Variants in CNTNAP3B observed in about 807,000 individuals in gnomAD.
CNTNAP3B encodes contactin-associated protein-like 3B.
A neutral mutation model predicts 108.9 loss-of-function variants in CNTNAP3B; 25 were observed. The observed-to-expected ratio is 0.23, with a 90% CI of 0.17 to 0.32. The LOEUF is 0.32. Ranked by LOEUF, CNTNAP3B falls within the 10% of genes least tolerant of loss-of-function variation. CNTNAP3B has a pLI of 1.00. For synonymous variants in CNTNAP3B, 103 were observed against 473.4 expected, an observed-to-expected ratio of 0.22 and a Z score of 10.16; for missense variants, 252 against 1,210.4, an observed-to-expected ratio of 0.21 and a Z score of 11.75.
At chr9:42,122,257 T>C (rs1349190409) in intron 1 of CNTNAP3B, among the ~76,000 whole-genome samples, 1 of 140,174 alleles carries the variant, frequency 7.1e-6, no homozygotes. Flanking sequence ...GATATTTTAC[T>C]AGCTTAGTTT....
At position 42,127,344 on chromosome 9, in the gene CNTNAP3B, C is replaced by G. The variant is rs549951456; in HGVS notation, c.85+1666G>C. On this transcript the variant is annotated intron_variant, in intron 1 of 23. Transcript: ENST00000377561. ...GCTTTGTAATCCTTCCACTGGATTC[C>G]AAGCAAAATAACTATCAATACAACT... 5.0e-5 allele frequency among the ~76,000 whole-genome samples: 7 copies of G among 138,970 alleles called. 2 individuals are homozygous for G. Among genetic ancestry groups the G allele is most frequent in the African/African-American group, 2.0e-4 (7 of 34,962 alleles). 91.2% of individuals were successfully genotyped at this position (138,970 alleles called of 152,430 possible). A position where few individuals can be genotyped will look rare whatever the true frequency, so the allele number is the denominator to read the frequency against.
At chr9:41,942,295 G>A (rs1468265945) in intron 13 of CNTNAP3B, among the ~76,000 whole-genome samples, 1 of 152,264 alleles carries the variant, frequency 6.6e-6, no homozygotes, top group Non-Finnish European at 1.5e-5. Flanking sequence ...CTAACATGGT[G>A]AAACCCCATC....
intron 1 of CNTNAP3B, among the ~76,000 whole-genome samples, chr9:42,117,878 A>G (rs1260417229): frequency 7.2e-6 from 1 of 139,614 alleles, no homozygotes; most frequent in Non-Finnish European, 1.5e-5. Context: ...ACAAACTACC[A>G]TCAGAGAATA....
At chr9:41,939,840 G>A (rs1369142319) in intron 13 of CNTNAP3B, among the ~76,000 whole-genome samples, 6 of 152,268 alleles carry the variant, frequency 3.9e-5, no homozygotes, top group Non-Finnish European at 2.9e-5. Context: ...AGATCTTGTA[G>A]ACTTGTCTAT....
chr9:41,959,776 T>G (rs1209096889), intron 12 of CNTNAP3B, among the ~76,000 whole-genome samples: 1 of 152,308 alleles, frequency 6.6e-6, no homozygotes, highest in Non-Finnish European at 1.5e-5. Flanking sequence ...TATTTGTTTC[T>G]TTATCCTTGA....
chr9:41,934,462 C>A (rs1395686526), intron 14 of CNTNAP3B, among the ~76,000 whole-genome samples: 1 of 152,276 alleles, frequency 6.6e-6, no homozygotes, highest in Non-Finnish European at 1.5e-5. Flanking sequence ...ACCTTGTGAT[C>A]TGCCCGCCTC....
intron 15 of CNTNAP3B, among the ~76,000 whole-genome samples, chr9:41,925,105 T>C (rs1823777705): frequency 6.6e-6 from 1 of 151,978 alleles, no homozygotes; most frequent in South Asian, 2.1e-4. Context: ...TTATTATTTT[T>C]CTCTTTTTTC....
intron 10 of CNTNAP3B, among the ~76,000 whole-genome samples, chr9:41,967,473 T>C (rs1323049993): frequency 2.0e-5 from 3 of 148,038 alleles, no homozygotes; most frequent in Non-Finnish European, 3.0e-5. Flanking sequence ...TTTTTCTTTA[T>C]AATTACCCAG....
At chr9:41,938,662 T>C (rs1824234006) in intron 13 of CNTNAP3B, among the ~76,000 whole-genome samples, 1 of 152,294 alleles carries the variant, frequency 6.6e-6, no homozygotes, top group Non-Finnish European at 1.5e-5. Context: ...TTGCACGTGA[T>C]ACATACTTTC....
At chr9:42,113,636 A>G (rs1828243545) in intron 1 of CNTNAP3B, among the ~76,000 whole-genome samples, 1 of 140,262 alleles carries the variant, frequency 7.1e-6, no homozygotes, top group African/African-American at 2.8e-5. Flanking sequence ...CTGTGGGAAT[A>G]TAAGTGATAA....
At chr9:41,931,232 T>A (rs1823969290) in intron 14 of CNTNAP3B, among the ~76,000 whole-genome samples, 1 of 152,286 alleles carries the variant, frequency 6.6e-6, no homozygotes, top group Non-Finnish European at 1.5e-5. Flanking sequence ...TGGGGGCACA[T>A]GTGCTATTTT....
In CNTNAP3B at chr9:42,014,526, C is replaced by T. The variant is rs530189041; in HGVS notation, c.391-1001G>A. 4.6e-4 allele frequency among the ~76,000 whole-genome samples: 55 copies of T among 119,642 alleles called. 8 individuals carry two copies. The highest frequency in any genetic ancestry group is 1.8e-3 in the African/African-American group (53 of 30,262). 78.5% of individuals were successfully genotyped at this position (119,642 alleles called of 152,430 possible). A position where few individuals can be genotyped will look rare whatever the true frequency, so the allele number is the denominator to read the frequency against. On this transcript the variant is annotated intron_variant, in intron 3 of 23. Coordinates refer to ENST00000377561, the MANE Select transcript of CNTNAP3B (RefSeq NM_001201380.3). ...CAGGCTTAGGGCCAGCGCGTTGGCTCACGCCTGTAATCCCAGTACTTTGGG... is the reference window on the plus strand; with the variant it reads ...CAGGCTTAGGGCCAGCGCGTTGGCTTACGCCTGTAATCCCAGTACTTTGGG...
chr9:42,062,976 AC>A lies in CNTNAP3B; in HGVS notation c.390+13892del, dbSNP rs1445743013. On this transcript the variant is annotated intron_variant, in intron 3 of 23. Coordinates refer to ENST00000377561, the MANE Select transcript of CNTNAP3B (RefSeq NM_001201380.3). ...TTTTTGATGCTTTTTATATTGTGTAACCCTTAATGAATTATTGCAGCTTTAA... is the reference window on the plus strand; with the variant it reads ...TTTTTGATGCTTTTTATATTGTGTAACCTTAATGAATTATTGCAGCTTTAA... Among the ~76,000 whole-genome samples the A allele has an allele frequency of 6.1e-5, 6 of 98,590 alleles. 3 individuals are homozygous for A. The highest frequency in any genetic ancestry group is 2.3e-4 in the African/African-American group (6 of 26,390). 64.7% of individuals were successfully genotyped at this position (98,590 alleles called of 152,430 possible).
intron 10 of CNTNAP3B, among the ~76,000 whole-genome samples, chr9:41,969,763 GCC>G: frequency 8.0e-6 from 1 of 125,132 alleles, no homozygotes; most frequent in Non-Finnish European, 1.7e-5. Context: ...GACTACAGGC[GCC>G]TGCCACCACG....
intron 13 of CNTNAP3B, among the ~76,000 whole-genome samples, chr9:41,944,858 G>A (rs1292811849): frequency 1.3e-5 from 2 of 152,288 alleles, no homozygotes; most frequent in African/African-American, 2.4e-5. Flanking sequence ...GAAAATTTTT[G>A]CAATCTACCC....
At chr9:42,036,263 T>G (rs1445996941) in intron 3 of CNTNAP3B, among the ~76,000 whole-genome samples, 3 of 142,396 alleles carry the variant, frequency 2.1e-5, no homozygotes, top group East Asian at 4.2e-4. Flanking sequence ...ATATATGGAA[T>G]AAAATGAGTA....
chr9:41,941,393 C>A (rs1426842764), intron 13 of CNTNAP3B, among the ~76,000 whole-genome samples: 8 of 147,296 alleles, frequency 5.4e-5, no homozygotes, highest in Admixed American at 4.8e-4. Flanking sequence ...TGAAAGAAAG[C>A]AGAATGGCTA....
chr9:42,043,045 C>T (rs1216001147), intron 3 of CNTNAP3B, among the ~76,000 whole-genome samples: 2 of 149,536 alleles, frequency 1.3e-5, no homozygotes, highest in East Asian at 3.9e-4. Context: ...CCACATACTT[C>T]CTTAAGCCCT....
At chr9:41,944,213 C>T (rs1330308810) in intron 13 of CNTNAP3B, among the ~76,000 whole-genome samples, 2 of 147,852 alleles carry the variant, frequency 1.4e-5, no homozygotes, top group Non-Finnish European at 3.0e-5. Context: ...AAAAGAAAAA[C>T]AATATAGGTC....
Sources: gnomAD v4.1 joint callset for allele counts (sites outside exome capture counted in the v4.1 genomes callset) on GRCh38, gnomAD v4.1.1 for gene constraint, MANE v1.5 for transcripts, NCBI Gene and HGNC (gene_info 2026-07-23, HGNC 2026-07-21) for gene names.